DNAJC15: variants seen among roughly 807,000 people sequenced by gnomAD.
DNAJC15 encodes the protein dnaJ homolog subfamily C member 15.
In DNAJC15, 27 loss-of-function variants were observed where a neutral mutation model predicts 22.4. The ratio of observed to expected loss-of-function variants is 1.20; its 90% CI spans 0.89 to 1.66. The LOEUF is 1.66. Among genes scored for constraint, DNAJC15 ranks in the 40% most tolerant of loss-of-function variants. DNAJC15 has a pLI of 0.00. For missense variants in DNAJC15, 208 were observed against 187.1 expected (o/e 1.11, Z -0.65); for synonymous variants, 79 against 63.2 (o/e 1.25, Z -1.19).
intron 4 of DNAJC15, among the ~76,000 whole-genome samples, chr13:43,081,261 G>A (rs1015528490): frequency 9.2e-5 from 14 of 151,992 alleles, no homozygotes; most frequent in African/African-American, 3.4e-4. Flanking sequence ...ATCACCCATG[G>A]GTTCTTGTAA....
chr13:43,026,480 T>G (rs535932897), intron 1 of DNAJC15, among the ~76,000 whole-genome samples: 2 of 152,346 alleles, frequency 1.3e-5, no homozygotes, highest in East Asian at 1.9e-4. Context: ...GGGGTTGTTC[T>G]GCTTCTTTTG....
At chr13:43,033,976 C>T (rs1345189056) in intron 1 of DNAJC15, among the ~76,000 whole-genome samples, 5 of 147,024 alleles carry the variant, frequency 3.4e-5, no homozygotes, top group South Asian at 2.1e-4. Context: ...TGCAGTGACC[C>T]GAGATCATGT....
In DNAJC15 at chr13:43,085,771, A is replaced by G. The variant is rs537282387; in HGVS notation, c.315A>G (p.Pro105=). The G allele has an allele frequency of 8.6e-5, 138 of 1,612,298 alleles. 2 individuals carry two copies. The South Asian group carries it at 1.5e-3, about 17-fold the overall frequency. The change falls in exon 5 of 6, where the codon CCA becomes CCG. Residue 105 remains proline, a synonymous_variant. Coordinates refer to ENST00000379221, the MANE Select transcript of DNAJC15 (RefSeq NM_013238.3). ...GCACTGTAATTTCTTTTTACAGCCC[A>G]TCTGCTGGCAAGGCTAAGATTAGAA... ...REAGLILGVS[P]SAGKAKIRTA... is the part of the protein sequence containing the mutation.
intron 1 of DNAJC15, among the ~76,000 whole-genome samples, chr13:43,031,531 C>T (rs1298406338): frequency 6.6e-6 from 1 of 152,170 alleles, no homozygotes; most frequent in Non-Finnish European, 1.5e-5. Flanking sequence ...GTGGGCAGTA[C>T]TTTGGGAGTG....
rs555336895 is a variant in DNAJC15 at position 43,102,086 on chromosome 13, A to G, written c.383-5092A>G. Among the ~76,000 whole-genome samples the G allele has an allele frequency of 9.2e-5, 14 of 152,270 alleles. No homozygotes were observed. The South Asian group carries it at 1.2e-3, about 14-fold the overall frequency. ...CCCTTTTCACCACATCCATGCCAAC[A>G]TTTATAATTTTTTTTGATTTTTTAA... On this transcript the variant is annotated intron_variant, in intron 5 of 5. Coordinates refer to ENST00000379221, the MANE Select transcript of DNAJC15 (RefSeq NM_013238.3).
At chr13:43,074,705 A>C (rs2040624657) in intron 3 of DNAJC15, among the ~76,000 whole-genome samples, 1 of 152,220 alleles carries the variant, frequency 6.6e-6, no homozygotes, top group Non-Finnish European at 1.5e-5. Context: ...AATGGATTAA[A>C]ATACTGTGAT....
rs749069433 is a variant in DNAJC15 at position 43,023,637 on chromosome 13, G to T, written c.11G>T (p.Arg4Leu). The T allele has an allele frequency of 1.2e-6, 2 of 1,611,122 alleles. No individual in the cohort carries two copies. Among genetic ancestry groups the T allele is most frequent in the South Asian group, 1.1e-5 (1 of 90,526 alleles). The change falls in exon 1 of 6, where the codon CGT (arginine) becomes CTT (leucine). Residue 4 changes from arginine (R) to leucine (L), a missense_variant. Coordinates refer to ENST00000379221, the MANE Select transcript of DNAJC15 (RefSeq NM_013238.3). ...CCGGGCCGCCTTGCCATGGCTGCCC[G>T]TGGTGTCATCGCTCCAGTTGGCGAG... Reference protein sequence around the residue: MAARGVIAPVGESL... With the variant: MAALGVIAPVGESL...
chr13:43,034,859 G>A (rs2040422383), intron 1 of DNAJC15, among the ~76,000 whole-genome samples: 3 of 152,084 alleles, frequency 2.0e-5, no homozygotes, highest in South Asian at 4.2e-4. Flanking sequence ...GGCTCATTTT[G>A]TGTATTTCCT....
At chr13:43,034,006 C>T (rs1298740731) in intron 1 of DNAJC15, among the ~76,000 whole-genome samples, 2 of 133,082 alleles carry the variant, frequency 1.5e-5, no homozygotes, top group Admixed American at 1.7e-4. Flanking sequence ...CCAGCCTGGG[C>T]GACAAGAGTA....
Position 43,076,497 on chromosome 13 carries a change from AG to A in DNAJC15, c.235-2114del, listed in dbSNP as rs144906407. 6.4e-3 allele frequency among the ~76,000 whole-genome samples: 974 copies of A among 152,344 alleles called. 4 individuals are homozygous for A. The highest frequency in any genetic ancestry group is 0.022 in the African/African-American group (914 of 41,576). The stretch of plus-strand genomic sequence containing the variant: ...AGCCTGTGCTCATTGTTGAAAATTT[AG>A]AAGTTAAAAACAAAGAAAAAATTAT... On this transcript the variant is annotated intron_variant, in intron 3 of 5. Transcript: ENST00000379221.
intron 4 of DNAJC15, among the ~76,000 whole-genome samples, chr13:43,079,940 T>C (rs2040653979): frequency 6.6e-6 from 1 of 152,158 alleles, no homozygotes; most frequent in Admixed American, 6.5e-5. Context: ...CAAATACCAG[T>C]TTAACACCTA....
chr13:43,046,103 G>A (rs1185735589), intron 1 of DNAJC15, among the ~76,000 whole-genome samples: 1 of 151,132 alleles, frequency 6.6e-6, no homozygotes, highest in Non-Finnish European at 1.5e-5. Context: ...CTTAATGTTT[G>A]TTTAACAAAT....
At chr13:43,029,976 G>A (rs924880292) in intron 1 of DNAJC15, among the ~76,000 whole-genome samples, 15 of 149,686 alleles carry the variant, frequency 1.0e-4, no homozygotes, top group African/African-American at 2.5e-4. Flanking sequence ...AATGATGAAC[G>A]GACAGCCTTC....
chr13:43,055,745 CCTT>C (rs2040527571), intron 1 of DNAJC15, among the ~76,000 whole-genome samples: 2 of 151,742 alleles, frequency 1.3e-5, no homozygotes, highest in Non-Finnish European at 2.9e-5. Flanking sequence ...CTTCTCTGAT[CCTT>C]CTTTCTATTC....
At chr13:43,042,628 G>A (rs2040459279) in intron 1 of DNAJC15, among the ~76,000 whole-genome samples, 1 of 152,224 alleles carries the variant, frequency 6.6e-6, no homozygotes, top group Non-Finnish European at 1.5e-5. Flanking sequence ...ATAAGGTAGG[G>A]ACCAGCTGTG....
intron 5 of DNAJC15, among the ~76,000 whole-genome samples, chr13:43,089,694 A>G (rs2040705281): frequency 6.6e-6 from 1 of 152,244 alleles, no homozygotes; most frequent in Admixed American, 6.5e-5. Flanking sequence ...GTTCTATATA[A>G]GATTTTAACT....
At chr13:43,097,949 G>A (rs1001355628) in intron 5 of DNAJC15, among the ~76,000 whole-genome samples, 4 of 151,874 alleles carry the variant, frequency 2.6e-5, no homozygotes, top group African/African-American at 7.3e-5. Flanking sequence ...AAAAAAGAAA[G>A]GTCTAATTCA....
At chr13:43,044,908 T>G (rs375063422) in intron 1 of DNAJC15, among the ~76,000 whole-genome samples, 1 of 152,130 alleles carries the variant, frequency 6.6e-6, no homozygotes, top group Non-Finnish European at 1.5e-5. Context: ...TCCCCATGCC[T>G]CTGCTTTTCA....
At position 43,064,744 on chromosome 13, in the gene DNAJC15, A is replaced by G. The variant is rs554297791; in HGVS notation, c.109-942A>G. On this transcript the variant is annotated intron_variant, in intron 1 of 5. Coordinates refer to ENST00000379221, the MANE Select transcript of DNAJC15 (RefSeq NM_013238.3). ...GTCTTTTCATCTCATTGTTCTTCCT[A>G]CTTTATCCAAGAGGGTTGCTCCAGC... Among the ~76,000 whole-genome samples, 3 of 152,276 alleles carry G rather than the reference A, an allele frequency of 2.0e-5. No homozygotes were observed. The East Asian group carries it at 5.8e-4, about 29-fold the overall frequency.
Sources: gnomAD v4.1 joint callset for allele counts (sites outside exome capture counted in the v4.1 genomes callset) on GRCh38, gnomAD v4.1.1 for gene constraint, MANE v1.5 for transcripts, NCBI Gene and HGNC (gene_info 2026-07-23, HGNC 2026-07-21) for gene names.